Variants in TXNDC11 observed in about 807,000 individuals in gnomAD.
The protein encoded by TXNDC11 is thioredoxin domain containing 11, also known as thioredoxin domain-containing protein 11.
In TXNDC11, 68 loss-of-function variants were observed where a neutral mutation model predicts 78.0. The ratio of observed to expected loss-of-function variants is 0.87; its 90% CI spans 0.72 to 1.07. TXNDC11 has a LOEUF of 1.07. TXNDC11 is among the 50% of genes least tolerant of loss of function. TXNDC11 has a pLI of 0.00. For missense variants in TXNDC11, 1,389 were observed against 1,221.8 expected (o/e 1.14, Z -2.04); for synonymous variants, 571 against 495.2 (o/e 1.15, Z -2.03).
intron 5 of TXNDC11, among the ~76,000 whole-genome samples, chr16:11,716,479 G>A (rs1236352820): frequency 6.6e-6 from 1 of 152,154 alleles, no homozygotes; most frequent in Non-Finnish European, 1.5e-5. Flanking sequence ...CAGTCCTGGA[G>A]GAGTAAAGTA....
chr16:11,712,282 C>T (rs2051385266), intron 5 of TXNDC11, among the ~76,000 whole-genome samples: 1 of 152,180 alleles, frequency 6.6e-6, no homozygotes, highest in African/African-American at 2.4e-5. Flanking sequence ...AGCCAAGGCA[C>T]AAGTGGACAC....
At chr16:11,742,257 G>C in intron 1 of TXNDC11, 1 of 446,702 alleles carries the variant, frequency 2.2e-6, no homozygotes, top group Non-Finnish European at 3.9e-6. Flanking sequence ...ACGATAGGGC[G>C]CAGGGCTCCA....
chr16:11,684,801 C>T (rs545668298), intron 10 of TXNDC11, among the ~76,000 whole-genome samples: 45 of 152,342 alleles, frequency 3.0e-4, no homozygotes, highest in African/African-American at 9.1e-4. Context: ...AGGCCTGCCC[C>T]GGGCAGCTGG....
Position 11,679,144 on chromosome 16 carries a change from T to C in TXNDC11, c.*51A>G, listed in dbSNP as rs2050338104. The C allele has an allele frequency of 6.4e-7, 1 of 1,564,688 alleles. No individual in the cohort carries two copies. The highest frequency in any genetic ancestry group is 8.7e-7 in the Non-Finnish European group (1 of 1,151,714). On this transcript the variant is annotated 3_prime_UTR_variant, in exon 12 of 12. Coordinates refer to ENST00000283033, the MANE Select transcript of TXNDC11 (RefSeq NM_015914.7). This position sits in a 1 kb window ranked among gnomAD's most constrained non-coding sequence, Gnocchi z 4.6. ...AATTTCAATAAAATTTGCATAAATA[T>C]ATTCCCAATGTACAATTTTCACCTC...
chr16:11,730,682 G>A lies in TXNDC11; in HGVS notation c.662C>T (p.Ser221Phe), dbSNP rs2047305441. 6.2e-7 allele frequency: 1 copy of A among 1,613,664 alleles called. No individual in the cohort carries two copies. Among genetic ancestry groups the A allele is most frequent in the Non-Finnish European group, 8.5e-7 (1 of 1,179,732 alleles). The part of the protein sequence containing the change: ...RVMKPLLYIP[S>F]QSELLDFLSN... ...GAGAAAATCTAGTAATTCTGATTGA[G>A]ATGGGATGTAGAGAAGTGGTTTCAT... Residue 221 changes from serine (S) to phenylalanine (F), a missense_variant, in exon 4 of 12, where the codon TCT (serine) becomes TTT (phenylalanine). By Grantham distance (155) the Ser-to-Phe change is radical. Coordinates refer to ENST00000283033, the MANE Select transcript of TXNDC11 (RefSeq NM_015914.7).
chr16:11,721,226 G>A (rs1451641963), intron 5 of TXNDC11: 5 of 180,578 alleles, frequency 2.8e-5, no homozygotes, highest in Non-Finnish European at 5.9e-5. Flanking sequence ...ATCACCTGAC[G>A]TCAGGAGTTC....
intron 4 of TXNDC11, among the ~76,000 whole-genome samples, chr16:11,729,721 C>T (rs1315623137): frequency 6.6e-6 from 1 of 152,134 alleles, no homozygotes; most frequent in Non-Finnish European, 1.5e-5. Flanking sequence ...TGCAGAACTA[C>T]TTTTATAATT....
chr16:11,737,946 C>G (rs1005468048), intron 1 of TXNDC11, among the ~76,000 whole-genome samples: 4 of 149,052 alleles, frequency 2.7e-5, no homozygotes, highest in African/African-American at 9.9e-5. Flanking sequence ...ACTATCTAAA[C>G]GAGATATATC....
At position 11,679,560 on chromosome 16, in the gene TXNDC11, G is replaced by C; in HGVS notation, c.2512C>G (p.Leu838Val). 1 of 1,613,818 alleles carries C rather than the reference G, an allele frequency of 6.2e-7. No homozygotes were observed. Among genetic ancestry groups the C allele is most frequent in the Non-Finnish European group, 8.5e-7 (1 of 1,180,030 alleles). Residue 838 changes from leucine (L) to valine (V), a missense_variant, in exon 12 of 12, where the codon CTG becomes GTG. Physicochemically the swap from Leu to Val is conservative, Grantham distance 32 (BLOSUM62 1). Coordinates refer to ENST00000283033, the MANE Select transcript of TXNDC11 (RefSeq NM_015914.7). The surrounding 1 kb of genome is among the most constrained non-coding windows in gnomAD (Gnocchi z 4.6). ...TCCAGGGCCCGCTGCTGCTGCCGCAGCCGGTGCTCATCTCTGCGGGCACTG... is the reference window on the plus strand; with the variant it reads ...TCCAGGGCCCGCTGCTGCTGCCGCACCCGGTGCTCATCTCTGCGGGCACTG... ...LSSARRDEHR[L>V]RQQQRALEEQ...
At chr16:11,708,755 T>C (rs2051254500) in intron 5 of TXNDC11, among the ~76,000 whole-genome samples, 1 of 152,230 alleles carries the variant, frequency 6.6e-6, no homozygotes, top group Admixed American at 6.5e-5. Context: ...TTCTTTAAAC[T>C]GAAAATAGTG....
intron 7 of TXNDC11, among the ~76,000 whole-genome samples, chr16:11,694,031 C>A (rs2050789248): frequency 6.7e-6 from 1 of 149,286 alleles, no homozygotes; most frequent in Admixed American, 6.7e-5. Flanking sequence ...GCTTCAGTAT[C>A]TCATAAACAA....
chr16:11,731,095 A>T (rs917071928), intron 3 of TXNDC11, among the ~76,000 whole-genome samples: 1 of 152,232 alleles, frequency 6.6e-6, no homozygotes, highest in Non-Finnish European at 1.5e-5. Flanking sequence ...TCTTTTAAAA[A>T]CAAAACAGAG....
intron 4 of TXNDC11, among the ~76,000 whole-genome samples, chr16:11,722,499 A>G (rs1366307022): frequency 6.6e-6 from 1 of 152,160 alleles, no homozygotes; most frequent in East Asian, 1.9e-4. Flanking sequence ...TTAAAAGTCA[A>G]ATTTTGAGAT....
At chr16:11,709,874 C>T (rs921611997) in intron 5 of TXNDC11, among the ~76,000 whole-genome samples, 1 of 152,190 alleles carries the variant, frequency 6.6e-6, no homozygotes, top group African/African-American at 2.4e-5. Flanking sequence ...AATAAACACC[C>T]TCACACCAAT....
chr16:11,703,012 G>A (rs75706438), intron 5 of TXNDC11, among the ~76,000 whole-genome samples: 12,775 of 152,240 alleles, frequency 0.084, 591 homozygotes, highest in South Asian at 0.19. Context: ...CAGGGCTGAG[G>A]AGGCCTGGCA....
chr16:11,714,876 T>TAATGCTACA (rs1484175787), intron 5 of TXNDC11, among the ~76,000 whole-genome samples: 1 of 152,192 alleles, frequency 6.6e-6, no homozygotes, highest in Non-Finnish European at 1.5e-5. Flanking sequence ...CTAATGCTAC[T>TAATGCTACA]AATGCTACAA....
At chr16:11,684,975 C>T (rs1410836417) in intron 10 of TXNDC11, among the ~76,000 whole-genome samples, 2 of 152,232 alleles carry the variant, frequency 1.3e-5, no homozygotes, top group Non-Finnish European at 2.9e-5. Flanking sequence ...CAATCTTTAC[C>T]TTGACAGAAG....
chr16:11,710,961 G>GTC (rs2051333145), intron 5 of TXNDC11, among the ~76,000 whole-genome samples: 1 of 151,470 alleles, frequency 6.6e-6, no homozygotes, highest in South Asian at 2.1e-4. Context: ...ATGGCCTATT[G>GTC]TCTATTAGTG....
At chr16:11,740,096 G>C (rs1417972839) in intron 1 of TXNDC11, among the ~76,000 whole-genome samples, 2 of 151,190 alleles carry the variant, frequency 1.3e-5, no homozygotes, top group African/African-American at 4.9e-5. Flanking sequence ...AGGAGGCTGA[G>C]GCAGGAGAAT....
Sources: gnomAD v4.1 joint callset for allele counts (sites outside exome capture counted in the v4.1 genomes callset) on GRCh38, gnomAD v4.1.1 for gene constraint, Gnocchi (gnomAD v3.1) non-coding constraint, MANE v1.5 for transcripts, NCBI Gene and HGNC (gene_info 2026-07-23, HGNC 2026-07-21) for gene names.